Variants in NIPAL3 observed in about 807,000 individuals in gnomAD.
NIPAL3 encodes NIPA-like protein 3.
Under a neutral mutation model 47.2 loss-of-function variants are expected in NIPAL3, and 41 were observed. That is an observed-to-expected ratio of 0.87 (90% CI 0.68 to 1.13). The LOEUF is 1.13. Among genes scored for constraint, NIPAL3 ranks in the 50% most tolerant of loss-of-function variants. NIPAL3 has a pLI of 0.00. For missense variants in NIPAL3, 449 were observed against 530.1 expected (o/e 0.85, Z 1.50); for synonymous variants, 194 against 209.6 (o/e 0.93, Z 0.64).
chr1:24,452,145 T>C (rs186813946), intron 6 of NIPAL3, among the ~76,000 whole-genome samples: 31 of 152,350 alleles, frequency 2.0e-4, no homozygotes, highest in African/African-American at 6.5e-4. Flanking sequence ...TTAGTTGCAC[T>C]GGGCGCTAGG....
In NIPAL3 at chr1:24,449,650, C is replaced by T; in HGVS notation, c.540+24C>T. 3 of 1,603,754 alleles carry T rather than the reference C, an allele frequency of 1.9e-6. No individual in the cohort carries two copies. Among genetic ancestry groups the T allele is most frequent in the Non-Finnish European group, 2.6e-6 (3 of 1,174,142 alleles). ...TGGTAAGAGAAGCCTCCAGTCGTTCCCCCTGAGATGGCAGGAGGGAGATCA... is the reference window on the plus strand; with the variant it reads ...TGGTAAGAGAAGCCTCCAGTCGTTCTCCCTGAGATGGCAGGAGGGAGATCA... On this transcript the variant is annotated intron_variant, in intron 6 of 11. Transcript: ENST00000374399. The surrounding 1 kb of genome is among the most constrained non-coding windows in gnomAD (Gnocchi z 4.5).
intron 1 of NIPAL3, among the ~76,000 whole-genome samples, chr1:24,418,847 A>G (rs1474316719): frequency 6.7e-6 from 1 of 150,116 alleles, no homozygotes; most frequent in African/African-American, 2.5e-5. Context: ...TTTTCCATGG[A>G]TGTAGCTTTT....
chr1:24,417,765 A>G (rs370147872), intron 1 of NIPAL3, among the ~76,000 whole-genome samples: 11 of 152,332 alleles, frequency 7.2e-5, no homozygotes, highest in African/African-American at 2.4e-4. Context: ...TCCCCTTATC[A>G]CATATGTATG....
intron 8 of NIPAL3, among the ~76,000 whole-genome samples, chr1:24,456,592 A>T (rs1218131716): frequency 6.6e-6 from 1 of 152,198 alleles, no homozygotes; most frequent in Non-Finnish European, 1.5e-5. Flanking sequence ...CTTTACTAAA[A>T]ATACAAAAAA....
At chr1:24,450,571 C>T (rs776984388) in intron 6 of NIPAL3, among the ~76,000 whole-genome samples, 7 of 152,148 alleles carry the variant, frequency 4.6e-5, no homozygotes, top group South Asian at 2.1e-4. Context: ...CCATGCCCTG[C>T]GCTGTGCTAA....
At chr1:24,435,034 A>ACTT (rs1645037461) in intron 2 of NIPAL3, among the ~76,000 whole-genome samples, 2 of 152,224 alleles carry the variant, frequency 1.3e-5, no homozygotes, top group Non-Finnish European at 2.9e-5. Flanking sequence ...AGTCAAGACA[A>ACTT]TATGGTACTG....
chr1:24,417,326 C>T (rs755726702), intron 1 of NIPAL3, among the ~76,000 whole-genome samples: 32 of 152,234 alleles, frequency 2.1e-4, no homozygotes, highest in Non-Finnish European at 4.3e-4. Context: ...CGCTCCTCAA[C>T]TCCATGACTG....
chr1:24,431,854 A>G (rs1269993975), intron 2 of NIPAL3, among the ~76,000 whole-genome samples: 1 of 130,008 alleles, frequency 7.7e-6, no homozygotes, highest in African/African-American at 3.0e-5. Flanking sequence ...CCCCACCCCC[A>G]CCACTCCAGG....
chr1:24,456,972 A>G (rs1205504254), intron 8 of NIPAL3, among the ~76,000 whole-genome samples: 1 of 152,166 alleles, frequency 6.6e-6, no homozygotes. Flanking sequence ...TTTGTGGGCC[A>G]GGCTGGTCTC....
Position 24,451,998 on chromosome 1 carries a change from G to A in NIPAL3, c.541-1410G>A, listed in dbSNP as rs1456928332. On this transcript the variant is annotated intron_variant, in intron 6 of 11. Transcript: ENST00000374399. The surrounding 1 kb of genome is among the most constrained non-coding windows in gnomAD (Gnocchi z 4.5). ...GGAAATGAAAGCAGCTGTGTTTTAT[G>A]GTCTCTAATTAGAAGGAATGTTTTA... Among the ~76,000 whole-genome samples the A allele has an allele frequency of 1.3e-5, 2 of 152,148 alleles. No homozygotes were observed. Among genetic ancestry groups the A allele is most frequent in the Non-Finnish European group, 2.9e-5 (2 of 68,024 alleles).
intron 10 of NIPAL3, among the ~76,000 whole-genome samples, chr1:24,462,949 A>G (rs1557536009): frequency 6.6e-6 from 1 of 152,258 alleles, no homozygotes; most frequent in Non-Finnish European, 1.5e-5. Context: ...TACTAAAAAT[A>G]CAAAATTACA....
intron 10 of NIPAL3, among the ~76,000 whole-genome samples, chr1:24,461,712 CA>C (rs1646480117): frequency 1.3e-5 from 2 of 149,908 alleles, no homozygotes; most frequent in South Asian, 4.2e-4. Flanking sequence ...ACTAAAAATA[CA>C]AAAAAATTAG....
rs1646111007 is a variant in NIPAL3, at chr1:24,454,618, T to G, written c.637+1114T>G. On this transcript the variant is annotated intron_variant, in intron 7 of 11. Coordinates refer to ENST00000374399, the MANE Select transcript of NIPAL3 (RefSeq NM_020448.5). This position sits in a 1 kb window ranked among gnomAD's most constrained non-coding sequence, Gnocchi z 4.1. ...CTGTTTAAAGTATACAATTCAGTGG[T>G]TTTTAGTATTTCATAGAGTTGTGAA... The G allele has an allele frequency of 1.1e-6, 1 of 871,450 alleles. No individual in the cohort carries two copies. The highest frequency in any genetic ancestry group is 5.3e-5 in the South Asian group (1 of 18,960). The allele number at this position is 871,450 out of a possible 1,614,324, so 54.0% of individuals were successfully genotyped here.
intron 10 of NIPAL3, 115 bp downstream of exon 10, chr1:24,460,659 G>C: frequency 1.2e-6 from 1 of 834,550 alleles, no homozygotes; most frequent in Non-Finnish European, 1.8e-6. Context: ...CAGAGGAGCT[G>C]TGGGGTTTTG....
intron 2 of NIPAL3, among the ~76,000 whole-genome samples, chr1:24,423,706 G>A (rs1644443717): frequency 6.6e-6 from 1 of 152,210 alleles, no homozygotes; most frequent in Admixed American, 6.5e-5. Context: ...GTTAGAAGCA[G>A]AGGGCATGTG....
chr1:24,458,189 G>A (rs1038921840), intron 8 of NIPAL3, among the ~76,000 whole-genome samples: 2 of 152,194 alleles, frequency 1.3e-5, no homozygotes, highest in African/African-American at 4.8e-5. Context: ...CTACTCAGGA[G>A]GCTGAGGCAG....
At chr1:24,440,122 C>T (rs768320576) in intron 2 of NIPAL3, 50 bp from the exon 3 acceptor site, 3 of 1,430,950 alleles carry the variant, frequency 2.1e-6, no homozygotes, top group Admixed American at 4.8e-5. Context: ...GTCCTGGGGC[C>T]CCCTGGCTTG....
chr1:24,442,316 A>T, intron 4 of NIPAL3, 90 bp downstream of exon 4: 1 of 1,424,776 alleles, frequency 7.0e-7, no homozygotes, highest in Non-Finnish European at 9.6e-7. Flanking sequence ...CCCATTGAAC[A>T]AACCAGCTTT....
In NIPAL3 at chr1:24,458,941, G is replaced by A; in HGVS notation, c.827G>A (p.Gly276Asp). 1.2e-6 allele frequency: 2 copies of A among 1,614,016 alleles called. No homozygotes were observed. The highest frequency in any genetic ancestry group is 1.7e-6 in the Non-Finnish European group (2 of 1,179,936). The change falls in exon 9 of 12, where the codon GGC becomes GAC. Residue 276 changes from glycine (G) to aspartate (D), a missense_variant. Physicochemically the swap from Gly to Asp is moderately conservative, Grantham distance 94 (BLOSUM62 -1). Transcript: ENST00000374399. ...GACTCCTCTTTGATTGCCAGTGTGG[G>A]CTACATTCTGTCCACAACCATTGCT... Reference protein sequence around the residue: ...MYDSSLIASVGYILSTTIAIT... With the variant: ...MYDSSLIASVDYILSTTIAIT...
Sources: allele counts gnomAD v4.1 joint callset (sites outside exome capture counted in the v4.1 genomes callset), GRCh38; gene constraint gnomAD v4.1.1; non-coding constraint Gnocchi (gnomAD v3.1); transcripts MANE v1.5; gene names NCBI Gene and HGNC (gene_info 2026-07-23, HGNC 2026-07-21).